The following DGKB variants were observed in gnomAD, a reference collection of about 807,000 sequenced individuals.
DGKB encodes the protein 90 kDa diacylglycerol kinase.
In DGKB, 67 loss-of-function variants were observed where a neutral mutation model predicts 114.3. That is an observed-to-expected ratio of 0.59 (90% CI 0.48 to 0.72). DGKB has a LOEUF of 0.72. DGKB is among the 30% of genes least tolerant of loss of function. The probability of loss-of-function intolerance (pLI) is 0.00; values close to 1 mark genes in which losing one functional copy is unlikely to be tolerated. For synonymous variants in DGKB, 398 were observed against 323.1 expected (o/e 1.23, Z -2.49); for missense variants, 907 against 975.2 (o/e 0.93, Z 0.93).
intron 2 of DGKB, among the ~76,000 whole-genome samples, chr7:14,811,895 C>CT (rs11459015): frequency 0.41 from 62,315 of 151,574 alleles, 14,600 homozygotes; most frequent in African/African-American, 0.64. Flanking sequence ...ATCTTTAGAA[C>CT]TTTTTTATTT....
chr7:14,617,055 A>G (rs1454188430), intron 15 of DGKB, among the ~76,000 whole-genome samples: 1 of 151,700 alleles, frequency 6.6e-6, no homozygotes, highest in Non-Finnish European at 1.5e-5. Flanking sequence ...TTTTAGAGTT[A>G]GACTGGTTTT....
chr7:14,788,102 TATCCTCTGGTACCTTTATCCCAGACAA>T (rs1840149571), intron 2 of DGKB, among the ~76,000 whole-genome samples: 1 of 152,190 alleles, frequency 6.6e-6, no homozygotes, highest in Non-Finnish European at 1.5e-5. Context: ...TGGGAAAGGG[TATCCTCTGGTACCTTTATCCCAGACAA>T]AACCTTCTTG....
At chr7:14,330,818 CA>C (rs1390686978) in intron 23 of DGKB, among the ~76,000 whole-genome samples, 1 of 151,840 alleles carries the variant, frequency 6.6e-6, no homozygotes, top group Non-Finnish European at 1.5e-5. Flanking sequence ...AGTACTATGA[CA>C]AATAGAAATT....
At position 14,316,065 on chromosome 7, in the gene DGKB, A is replaced by G. The variant is rs1251181867; in HGVS notation, c.2122+22450T>C. Reference sequence around the variant, plus strand: ...ACATAACGAAATGAAGGCAGAAATAAAGATGTTCTTTGAAACCAACGAGAA... The same window carrying G: ...ACATAACGAAATGAAGGCAGAAATAGAGATGTTCTTTGAAACCAACGAGAA... On this transcript the variant is annotated intron_variant, in intron 23 of 25. Coordinates refer to ENST00000402815, the MANE Select transcript of DGKB (RefSeq NM_001350709.2). Among the ~76,000 whole-genome samples the G allele has an allele frequency of 1.3e-5, 2 of 150,902 alleles. 1 individual carries two copies. Among genetic ancestry groups the G allele is most frequent in the South Asian group, 4.2e-4 (2 of 4,778 alleles).
intron 21 of DGKB, among the ~76,000 whole-genome samples, chr7:14,416,419 T>C (rs1825737438): frequency 6.6e-6 from 1 of 152,138 alleles, no homozygotes; most frequent in African/African-American, 2.4e-5. Flanking sequence ...ACCCTTCAAA[T>C]TGATTTATAT....
rs73280353 is a variant in DGKB, at chr7:14,449,933, G to C, written c.1835+28228C>G. ...TGACACTATCTAATTAGTTCTTTAT[G>C]AACATATGATAGTGTGGAAAGTAAA... is the stretch of plus-strand genomic sequence containing the variant. On this transcript the variant is annotated intron_variant, in intron 21 of 25. Transcript: ENST00000402815. Among the ~76,000 whole-genome samples the C allele has an allele frequency of 9.2e-3, 1,406 of 152,086 alleles. 23 individuals are homozygous for C. The highest frequency in any genetic ancestry group is 0.032 in the African/African-American group (1,346 of 41,520).
chr7:14,510,607 T>C (rs1335206770), intron 20 of DGKB, among the ~76,000 whole-genome samples: 1 of 152,138 alleles, frequency 6.6e-6, no homozygotes, highest in African/African-American at 2.4e-5. Context: ...AAACTCCTGT[T>C]ACTGTCAGTA....
chr7:14,379,860 AAGCAGTTGCTTTT>A (rs1819143328), intron 21 of DGKB, among the ~76,000 whole-genome samples: 2 of 127,114 alleles, frequency 1.6e-5, no homozygotes, highest in African/African-American at 2.8e-5. Context: ...GCCCGGCCTT[AAGCAGTTGCTTTT>A]AATACAATAA....
intron 23 of DGKB, among the ~76,000 whole-genome samples, chr7:14,232,817 G>A (rs1792116460): frequency 6.6e-6 from 1 of 151,966 alleles, no homozygotes; most frequent in Non-Finnish European, 1.5e-5. Context: ...AGACAAAAAA[G>A]TGCTCACTAA....
At chr7:14,394,526 G>T (rs1396090797) in intron 21 of DGKB, among the ~76,000 whole-genome samples, 1 of 152,074 alleles carries the variant, frequency 6.6e-6, no homozygotes. Flanking sequence ...ATATTTCATA[G>T]GAAATTCTCT....
chr7:14,443,403 A>G (rs954568161), intron 21 of DGKB, among the ~76,000 whole-genome samples: 1 of 152,154 alleles, frequency 6.6e-6, no homozygotes, highest in Non-Finnish European at 1.5e-5. Context: ...ATTCTGGGCA[A>G]AAATAAATTT....
chr7:14,197,814 T>A (rs577961275), intron 23 of DGKB, among the ~76,000 whole-genome samples: 1 of 152,160 alleles, frequency 6.6e-6, no homozygotes, highest in Non-Finnish European at 1.5e-5. Context: ...TACCTACTAG[T>A]GGTTTCTGTT....
At chr7:14,700,186 T>A (rs948020874) in intron 7 of DGKB, among the ~76,000 whole-genome samples, 2 of 151,592 alleles carry the variant, frequency 1.3e-5, no homozygotes, top group African/African-American at 4.8e-5. Context: ...CACTAGGCAC[T>A]TAAAAATAAT....
chr7:14,966,419 T>A (rs1787151532), intron 1 of DGKB, among the ~76,000 whole-genome samples: 1 of 151,634 alleles, frequency 6.6e-6, no homozygotes, highest in African/African-American at 2.4e-5. Flanking sequence ...TGGTGGAAGT[T>A]TCAAGGGAAT....
Position 14,631,493 on chromosome 7 carries a change from A to C in DGKB, c.1135-1225T>G, listed in dbSNP as rs183194387. Among the ~76,000 whole-genome samples the C allele has an allele frequency of 3.9e-5, 6 of 152,122 alleles. No homozygotes were observed. In the East Asian group the frequency reaches 1.2e-3, roughly 29 times the overall value. On this transcript the variant is annotated intron_variant, in intron 13 of 25. Coordinates refer to ENST00000402815, the MANE Select transcript of DGKB (RefSeq NM_001350709.2). ...TATAAGTAGAAAGTACTGTAGCTGC[A>C]GATTTCTAGTCAAAAGAAGCCACGA...
chr7:14,379,418 T>C (rs1022157650), intron 21 of DGKB, among the ~76,000 whole-genome samples: 40 of 150,612 alleles, frequency 2.7e-4, no homozygotes, highest in African/African-American at 8.6e-4. Context: ...TTTTTTTTTT[T>C]CCACTTTCTG....
chr7:14,278,782 A>G (rs55776849), intron 23 of DGKB, among the ~76,000 whole-genome samples: 18,499 of 152,174 alleles, frequency 0.12, 3,228 homozygotes, highest in African/African-American at 0.39. Flanking sequence ...ATAATAATAT[A>G]AGGAACACAA....
intron 13 of DGKB, among the ~76,000 whole-genome samples, chr7:14,639,754 T>A (rs1811395308): frequency 6.6e-6 from 1 of 152,234 alleles, no homozygotes; most frequent in East Asian, 1.9e-4. Context: ...TAGGTTGTTT[T>A]GTTTTTGTTT....
intron 1 of DGKB, among the ~76,000 whole-genome samples, chr7:14,894,506 A>G (rs749577350): frequency 2.4e-4 from 36 of 151,486 alleles, no homozygotes; most frequent in Non-Finnish European, 5.0e-4. Flanking sequence ...CAAATCTAAC[A>G]TATTCTTCTT....
Sources: allele counts gnomAD v4.1 joint callset (sites outside exome capture counted in the v4.1 genomes callset), GRCh38; gene constraint gnomAD v4.1.1; transcripts MANE v1.5; gene names NCBI Gene and HGNC (gene_info 2026-07-23, HGNC 2026-07-21).